Variants in YTHDF3 observed in about 807,000 individuals in gnomAD.
YTHDF3 encodes the protein YTH N6-methyladenosine RNA binding protein F3, also known as YTH domain-containing family protein 3.
YTHDF3 carries 9 observed loss-of-function variants against 52.5 expected under a neutral mutation model. The ratio of observed to expected loss-of-function variants is 0.17; its 90% confidence interval spans 0.10 to 0.30. YTHDF3 has a LOEUF of 0.30. Ranked by LOEUF, YTHDF3 falls within the 10% of genes least tolerant of loss-of-function variation. The probability of loss-of-function intolerance (pLI) is 1.00; values close to 1 mark genes in which losing one functional copy is unlikely to be tolerated. For missense variants in YTHDF3, 534 were observed against 715.0 expected (o/e 0.75, Z 2.89); for synonymous variants, 274 against 243.3 (o/e 1.13, Z -1.18).
intron 2 of YTHDF3, chr8:63,172,720 A>G (rs989492771): frequency 1.7e-6 from 2 of 1,211,014 alleles, no homozygotes; most frequent in Admixed American, 8.4e-5. Flanking sequence ...AGAGCAAAGA[A>G]TCACCTGGCT....
rs1413391080 is a variant in YTHDF3, at chr8:63,206,452, A to G, written c.1735-3231A>G. ...CACTCTCCTTTCAGTTGCTTAGGCC[A>G]AAAGTTCTGGGCTCATCCTTGATAC... On this transcript the variant is annotated intron_variant, in intron 4 of 4. Coordinates refer to ENST00000539294, the MANE Select transcript of YTHDF3 (RefSeq NM_152758.6). Among the ~76,000 whole-genome samples the G allele has an allele frequency of 2.0e-5, 3 of 152,174 alleles. No individual in the cohort carries two copies. In the South Asian group the frequency reaches 6.2e-4, roughly 32 times the overall value.
intron 4 of YTHDF3, among the ~76,000 whole-genome samples, chr8:63,195,175 G>A (rs1404339081): frequency 2.0e-5 from 3 of 152,144 alleles, no homozygotes; most frequent in African/African-American, 7.2e-5. Flanking sequence ...GCTTCAAATT[G>A]TCGGAGAAAT....
At position 63,186,518 on chromosome 8, in the gene YTHDF3, A is replaced by G. The variant is rs1383486981; in HGVS notation, c.507A>G (p.Gly169=). ...CTCTTGGGAGAGCTATTACTGATGGACAGGCTGGATTTGGCAATGATACTT... is the reference window on the plus strand; with the variant it reads ...CTCTTGGGAGAGCTATTACTGATGGGCAGGCTGGATTTGGCAATGATACTT... ...PSSLGRAITD[G]QAGFGNDTLS... is the part of the protein sequence containing the mutation. The change falls in exon 4 of 5, where the codon GGA becomes GGG. Residue 169 remains glycine, a synonymous_variant. Coordinates refer to ENST00000539294, the MANE Select transcript of YTHDF3 (RefSeq NM_152758.6). The G allele has an allele frequency of 5.0e-6, 8 of 1,614,028 alleles. No individual in the cohort carries two copies. The East Asian group carries it at 1.6e-4, about 31-fold the overall frequency.
rs1810275714 is a variant in YTHDF3, at chr8:63,209,823, A to G, written c.*117A>G. On this transcript the variant is annotated 3_prime_UTR_variant, in exon 5 of 5. Coordinates refer to ENST00000539294, the MANE Select transcript of YTHDF3 (RefSeq NM_152758.6). ...TCTGCTTAAGGTGACATCTTTGAAC[A>G]CTTTAACACAAAGTTGACTCTTCTC... 3 of 1,018,296 alleles carry G rather than the reference A, an allele frequency of 2.9e-6. No homozygotes were observed. In the Admixed American group the frequency reaches 8.7e-5, roughly 30 times the overall value. The allele number at this position is 1,018,296 out of a possible 1,614,324, so 63.1% of individuals were successfully genotyped here. A position where few individuals can be genotyped will look rare whatever the true frequency, so the allele number is the denominator to read the frequency against.
intron 4 of YTHDF3, among the ~76,000 whole-genome samples, chr8:63,193,396 A>AC: frequency 6.7e-6 from 1 of 149,658 alleles, no homozygotes; most frequent in East Asian, 1.9e-4. Context: ...AAAAAAAAAA[A>AC]GCAGCAGCAG....
intron 4 of YTHDF3, among the ~76,000 whole-genome samples, chr8:63,194,180 C>T (rs541895373): frequency 8.5e-5 from 13 of 152,170 alleles, no homozygotes; most frequent in African/African-American, 2.9e-4. Flanking sequence ...TCTTTTTGGT[C>T]GTAAATAAAC....
chr8:63,207,818 A>G (rs1258206897), intron 4 of YTHDF3, among the ~76,000 whole-genome samples: 1 of 152,196 alleles, frequency 6.6e-6, no homozygotes, highest in African/African-American at 2.4e-5. Context: ...TATGGGGAGA[A>G]TGAGCAGATT....
At chr8:63,198,652 A>G (rs1203413935) in intron 4 of YTHDF3, among the ~76,000 whole-genome samples, 5 of 152,192 alleles carry the variant, frequency 3.3e-5, no homozygotes, top group African/African-American at 1.2e-4. Context: ...AGATGATGTT[A>G]GGTCTATCTC....
chr8:63,182,355 G>A (rs975675572), intron 3 of YTHDF3, among the ~76,000 whole-genome samples: 1 of 149,228 alleles, frequency 6.7e-6, no homozygotes, highest in Non-Finnish European at 1.5e-5. Context: ...ACAAGCACAA[G>A]CCACCGTGCC....
intron 3 of YTHDF3, among the ~76,000 whole-genome samples, chr8:63,176,911 T>G (rs1308302533): frequency 2.0e-5 from 3 of 151,418 alleles, no homozygotes. Flanking sequence ...ACTCCTGACC[T>G]CAAGTAATCT....
upstream of YTHDF3, chr8:63,168,585 G>A: frequency 5.4e-6 from 3 of 557,400 alleles, no homozygotes; most frequent in South Asian, 6.2e-5. Context: ...ACGTCAGAGT[G>A]GAGAGCGGAA....
Position 63,186,471 on chromosome 8 carries a change from A to G in YTHDF3, c.460A>G (p.Ser154Gly), listed in dbSNP as rs1387898634. 3.7e-6 allele frequency: 6 copies of G among 1,614,044 alleles called. No homozygotes were observed. The highest frequency in any genetic ancestry group is 1.1e-5 in the South Asian group (1 of 91,084). ...QSTQSSAYSS[S>G]YGYPPSSLGR... Reference sequence around the variant, plus strand: ...AACACAAAGTTCTGCTTATAGTAGCAGTTATGGCTATCCACCTAGTTCTCT... The same window carrying G: ...AACACAAAGTTCTGCTTATAGTAGCGGTTATGGCTATCCACCTAGTTCTCT... Residue 154 changes from serine to glycine, a missense_variant, in exon 4 of 5, where the codon AGT becomes GGT. This residue lies in a region of YTHDF3 where 196 missense variants were observed against 299.5 expected (regional missense o/e 0.65). Coordinates refer to ENST00000539294, the MANE Select transcript of YTHDF3 (RefSeq NM_152758.6).
chr8:63,203,516 A>T (rs1281163101), intron 4 of YTHDF3, among the ~76,000 whole-genome samples: 1 of 152,244 alleles, frequency 6.6e-6, no homozygotes, highest in Non-Finnish European at 1.5e-5. Flanking sequence ...TGTTTCAGAG[A>T]TTACAGGGAA....
At position 63,186,802 on chromosome 8, in the gene YTHDF3, C is replaced by T. The variant is rs780463786; in HGVS notation, c.791C>T (p.Ala264Val). 1 of 1,614,022 alleles carries T rather than the reference C, an allele frequency of 6.2e-7. No individual in the cohort carries two copies. The highest frequency in any genetic ancestry group is 1.1e-5 in the South Asian group (1 of 91,088). Residue 264 changes from alanine (A) to valine (V), a missense_variant, in exon 4 of 5, where the codon GCT (alanine) becomes GTT (valine). Ala to Val is a moderately conservative substitution (Grantham distance 64, BLOSUM62 0). Transcript: ENST00000539294. ...GGCAATGTGGGAATTGGGGGTTCTG[C>T]TGTACCACCACCTCCTATAAAACAC... ...PKGNVGIGGS[A>V]VPPPPIKHNM...
In YTHDF3 at chr8:63,212,543, G is replaced by C. The variant is rs954015033; in HGVS notation, c.*2837G>C. On this transcript the variant is annotated 3_prime_UTR_variant, in exon 5 of 5. Transcript: ENST00000539294. ...GAGAATTGTGTTTTCATTAAGTTTT[G>C]CATATCTTTTGTTATGCCATGTAAA... 6.6e-6 allele frequency: 1 copy of C among 152,568 alleles called. No homozygotes were observed. Among genetic ancestry groups the C allele is most frequent in the Admixed American group, 6.6e-5 (1 of 15,266 alleles). The allele number at this position is 152,568 out of a possible 1,614,324, so 9.5% of individuals were successfully genotyped here. A position where few individuals can be genotyped will look rare whatever the true frequency, so the allele number is the denominator to read the frequency against.
At chr8:63,196,460 G>A (rs796846687) in intron 4 of YTHDF3, among the ~76,000 whole-genome samples, 8 of 151,878 alleles carry the variant, frequency 5.3e-5, no homozygotes, top group African/African-American at 1.9e-4. Flanking sequence ...TCCTCGGGAG[G>A]CTGAGGTAGG....
chr8:63,179,263 C>CAG (rs548555918), intron 3 of YTHDF3, among the ~76,000 whole-genome samples: 1 of 150,708 alleles, frequency 6.6e-6, no homozygotes, highest in Non-Finnish European at 1.5e-5. Context: ...GTGTTTCTCG[C>CAG]AGAGGGGGAT....
At position 63,212,407 on chromosome 8, in the gene YTHDF3, G is replaced by A. The variant is rs554286498; in HGVS notation, c.*2701G>A. On this transcript the variant is annotated 3_prime_UTR_variant, in exon 5 of 5. Coordinates refer to ENST00000539294, the MANE Select transcript of YTHDF3 (RefSeq NM_152758.6). ...GTTCTTTTTGAATACCGTGCATGGG[G>A]GTTAAGCTGATGTTAAAACAGTTTG... 1 of 151,742 alleles carries A rather than the reference G, an allele frequency of 6.6e-6. No homozygotes were observed. The highest frequency in any genetic ancestry group is 2.1e-4 in the South Asian group (1 of 4,788). 9.4% of individuals were successfully genotyped at this position (151,742 alleles called of 1,614,324 possible). A position where few individuals can be genotyped will look rare whatever the true frequency, so the allele number is the denominator to read the frequency against.
chr8:63,177,359 G>C (rs570192161), intron 3 of YTHDF3, among the ~76,000 whole-genome samples: 66 of 152,110 alleles, frequency 4.3e-4, no homozygotes, highest in African/African-American at 1.4e-3. Context: ...GCATACATGG[G>C]AGGAGAAGAA....
Sources: gnomAD v4.1 joint callset for allele counts (sites outside exome capture counted in the v4.1 genomes callset) on GRCh38, gnomAD v4.1.1 for gene constraint, gnomAD v4.1.1 regional missense constraint, MANE v1.5 for transcripts, NCBI Gene and HGNC (gene_info 2026-07-23, HGNC 2026-07-21) for gene names.